The following PLEKHD1 variants were observed in gnomAD, a reference collection of about 807,000 sequenced individuals.
PLEKHD1 encodes the protein pleckstrin homology domain-containing family D member 1.
Under a neutral mutation model 69.2 loss-of-function variants are expected in PLEKHD1, and 51 were observed. That is an observed-to-expected ratio of 0.74 (90% CI 0.59 to 0.93). PLEKHD1 has a LOEUF of 0.93. Ranked by LOEUF, PLEKHD1 falls within the 40% of genes least tolerant of loss-of-function variation. The pLI, the probability that PLEKHD1 is intolerant of heterozygous loss-of-function variation, is 0.00. For synonymous variants in PLEKHD1, 236 were observed against 244.7 expected, an observed-to-expected ratio of 0.96 and a Z score of 0.33; for missense variants, 584 against 641.0, an observed-to-expected ratio of 0.91 and a Z score of 0.96.
chr14:69,508,782 C>T (rs774039027), intron 6 of PLEKHD1, among the ~76,000 whole-genome samples: 8 of 152,260 alleles, frequency 5.3e-5, no homozygotes, highest in Middle Eastern at 3.4e-3. Context: ...GGGTGATTAT[C>T]GGGTAATTGT....
rs1882619319 is a variant in PLEKHD1 at position 69,484,913 on chromosome 14, T to C, written c.-53T>C. 4 of 1,533,382 alleles carry C rather than the reference T, an allele frequency of 2.6e-6. No individual in the cohort carries two copies. The highest frequency in any genetic ancestry group is 4.0e-5 in the Admixed American group (2 of 50,326). 95.0% of individuals were successfully genotyped at this position (1,533,382 alleles called of 1,614,324 possible). On this transcript the variant is annotated 5_prime_UTR_variant, in exon 1 of 13. Coordinates refer to ENST00000322564, the MANE Select transcript of PLEKHD1 (RefSeq NM_001161498.2). ...GCCCTCGCCTCTCGCCCCGAGTCCC[T>C]GCTGACCCCGGGGAGGTGGGGTCCG...
intron 6 of PLEKHD1, among the ~76,000 whole-genome samples, chr14:69,511,827 AG>A (rs1168719305): frequency 6.6e-6 from 1 of 152,242 alleles, no homozygotes; most frequent in Admixed American, 6.5e-5. Flanking sequence ...CTAGGATTAT[AG>A]GTATGATCCA....
At chr14:69,518,890 G>C (rs1448964868) in intron 6 of PLEKHD1, among the ~76,000 whole-genome samples, 1 of 152,148 alleles carries the variant, frequency 6.6e-6, no homozygotes, top group Non-Finnish European at 1.5e-5. Flanking sequence ...GAGTGGCTGG[G>C]CTTTGGCTGC....
chr14:69,516,176 A>G (rs1293950023), intron 6 of PLEKHD1, among the ~76,000 whole-genome samples: 2 of 152,200 alleles, frequency 1.3e-5, no homozygotes, highest in Non-Finnish European at 2.9e-5. Context: ...AATTCCTTAC[A>G]TGCTGAACTG....
In PLEKHD1 at chr14:69,531,458, T is replaced by C. The variant is rs1883788372; in HGVS notation, c.*3039T>C. 6.6e-6 allele frequency: 1 copy of C among 152,194 alleles called. No individual in the cohort carries two copies. Among genetic ancestry groups the C allele is most frequent in the Admixed American group, 6.5e-5 (1 of 15,278 alleles). 9.4% of individuals were successfully genotyped at this position (152,194 alleles called of 1,614,324 possible). A position where few individuals can be genotyped will look rare whatever the true frequency, so the allele number is the denominator to read the frequency against. On this transcript the variant is annotated 3_prime_UTR_variant, in exon 13 of 13. Coordinates refer to ENST00000322564, the MANE Select transcript of PLEKHD1 (RefSeq NM_001161498.2). ...ATATCAAAATACGTAGGAGTGGAAA[T>C]TACTTAGTGGAGATATGTTGATGTA...
chr14:69,472,628 C>T, the PLEKHD1 span, among the ~76,000 whole-genome samples: 1 of 152,224 alleles, frequency 6.6e-6, no homozygotes, highest in Non-Finnish European at 1.5e-5. Context: ...TGTGGTTAGA[C>T]ACACAAATAC....
the PLEKHD1 span, among the ~76,000 whole-genome samples, chr14:69,470,678 G>A: frequency 6.6e-6 from 1 of 152,164 alleles, no homozygotes; most frequent in Non-Finnish European, 1.5e-5. Context: ...ATCCTTATCA[G>A]AAGCAGCAGT....
In PLEKHD1 at chr14:69,527,921, C is replaced by G; in HGVS notation, c.1340C>G (p.Ser447Cys). ...CRFHRRRSSTSWNDMKPSQSF... is the reference protein window; with the variant it reads ...CRFHRRRSSTCWNDMKPSQSF... ...TTCCACCGACGCCGGTCCAGCACCT[C>G]CTGGAATGACAGTGAGTGTGGCTGT... is the stretch of plus-strand genomic sequence containing the variant. Residue 447 changes from serine (S) to cysteine (C), a missense_variant, in exon 12 of 13, where the codon TCC (serine) becomes TGC (cysteine). Ser to Cys is a moderately radical substitution (Grantham distance 112). Coordinates refer to ENST00000322564, the MANE Select transcript of PLEKHD1 (RefSeq NM_001161498.2). 6.4e-7 allele frequency: 1 copy of G among 1,551,538 alleles called. No individual in the cohort carries two copies. Among genetic ancestry groups the G allele is most frequent in the Non-Finnish European group, 8.7e-7 (1 of 1,147,014 alleles).
intron 6 of PLEKHD1, among the ~76,000 whole-genome samples, chr14:69,513,124 C>T (rs1008857136): frequency 4.0e-5 from 6 of 151,740 alleles, no homozygotes; most frequent in South Asian, 2.1e-4. Flanking sequence ...GAGGCTGAGG[C>T]GGGAGAACCA....
chr14:69,501,657 C>G (rs1180176216), intron 4 of PLEKHD1, 77 bp from the exon 5 acceptor site: 3 of 1,143,670 alleles, frequency 2.6e-6, no homozygotes, highest in Admixed American at 2.6e-5. Flanking sequence ...CCTTCTCTTT[C>G]CCCTCTACCC....
intron 11 of PLEKHD1, 68 bp downstream of exon 11, chr14:69,527,400 T>C (rs1424423789): frequency 6.5e-7 from 1 of 1,542,328 alleles, no homozygotes; most frequent in African/African-American, 1.4e-5. Context: ...CCCGGCCCTG[T>C]AGAGCCAGGA....
At chr14:69,502,996 G>C in intron 6 of PLEKHD1, 117 bp downstream of exon 6, 1 of 1,296,166 alleles carries the variant, frequency 7.7e-7, no homozygotes. Flanking sequence ...ATCAGATGGG[G>C]CAGGGCGGGG....
rs1275074977 is a variant in PLEKHD1 at position 69,501,786 on chromosome 14, C to T, written c.463C>T (p.Gln155Ter). Residue 155 changes from glutamine (Q) to a stop codon, truncating the protein, a stop_gained, in exon 5 of 13, where the codon CAG (glutamine) becomes TAG (stop). Coordinates refer to ENST00000322564, the MANE Select transcript of PLEKHD1 (RefSeq NM_001161498.2). LOFTEE classifies it high-confidence loss of function. ...GEAMIKSLEA[Q>*]GLQLAKEKQE... Reference sequence around the variant, plus strand: ...AGCCATGATCAAAAGCCTGGAGGCCCAGGGGCTGCAGTTGGCTAAGGAAAA... The same window carrying T: ...AGCCATGATCAAAAGCCTGGAGGCCTAGGGGCTGCAGTTGGCTAAGGAAAA... 6.4e-7 allele frequency: 1 copy of T among 1,551,538 alleles called. No homozygotes were observed. The highest frequency in any genetic ancestry group is 1.7e-4 in the Middle Eastern group (1 of 5,990).
intron 1 of PLEKHD1, among the ~76,000 whole-genome samples, chr14:69,489,558 C>CAAAAAAAAAAAAAAAAAAAAAA (rs1166429791): frequency 1.7e-5 from 1 of 59,880 alleles, no homozygotes; most frequent in Non-Finnish European, 2.8e-5. Flanking sequence ...TACTCCATCT[C>CAAAAAAAAAAAAAAAAAAAAAA]AAAAAAAAAA....
At chr14:69,496,453 C>A (rs1424249855) in intron 1 of PLEKHD1, among the ~76,000 whole-genome samples, 1 of 152,186 alleles carries the variant, frequency 6.6e-6, no homozygotes, top group Non-Finnish European at 1.5e-5. Flanking sequence ...GCACCTGTTC[C>A]TGGCTTGCAG....
At chr14:69,523,642 T>G (rs1472642199) in intron 7 of PLEKHD1, among the ~76,000 whole-genome samples, 1 of 152,174 alleles carries the variant, frequency 6.6e-6, no homozygotes, top group Non-Finnish European at 1.5e-5. Flanking sequence ...GGTGCAGATT[T>G]CCTGTGTTAC....
the PLEKHD1 span, among the ~76,000 whole-genome samples, chr14:69,471,130 A>G: frequency 4.8e-5 from 4 of 83,584 alleles, no homozygotes; most frequent in Admixed American, 5.8e-4. Context: ...TTTTTGAGAC[A>G]GGGTCTTGCT....
At position 69,524,265 on chromosome 14, in the gene PLEKHD1, AG is replaced by A; in HGVS notation, c.688del (p.Glu230AsnfsTer7). The A allele has an allele frequency of 6.4e-7, 1 of 1,551,682 alleles. No individual in the cohort carries two copies. Among genetic ancestry groups the A allele is most frequent in the Non-Finnish European group, 8.7e-7 (1 of 1,146,948 alleles). On this transcript the variant is annotated frameshift_variant, in exon 8 of 13. Transcript: ENST00000322564. LOFTEE classifies it high-confidence loss of function. ...ELTARCLKGVEQEKKELRHLT... is the reference protein window; with the variant it reads ...ELTARCLKGVXQEKKELRHLT... ...TGACTGCAAGATGCCTTAAGGGTGT[AG>A]AACAAGAGAAAAAGGAACTGAGGCA...
chr14:69,485,101 AAGTGGTCCCGGCGGTG>A lies in PLEKHD1; in HGVS notation c.141_149+7del. 6.4e-7 allele frequency: 1 copy of A among 1,550,442 alleles called. No individual in the cohort carries two copies. Among genetic ancestry groups the A allele is most frequent in the Non-Finnish European group, 8.7e-7 (1 of 1,146,588 alleles). ...GAGGCCTTTCGGCAGGCCGTCGGCC[AAGTGGTCCCGGCGGTG>A]AGTGCGCCCCCGCGCCCCAAGGAGA... On this transcript the variant is annotated splice_donor_variant and splice_donor_region_variant and coding_sequence_variant and intron_variant, in exon 1 of 13. Transcript: ENST00000322564. LOFTEE classifies it high-confidence loss of function.
Sources: gnomAD v4.1 joint callset for allele counts (sites outside exome capture counted in the v4.1 genomes callset) on GRCh38, gnomAD v4.1.1 for gene constraint, MANE v1.5 for transcripts, NCBI Gene and HGNC (gene_info 2026-07-23, HGNC 2026-07-21) for gene names.